The following PPP2R2B variants were observed in gnomAD, a reference collection of about 807,000 sequenced individuals.
PPP2R2B encodes the protein protein phosphatase 2 regulatory subunit Bbeta, also known as serine/threonine-protein phosphatase 2A 55 kDa regulatory subunit B beta isoform.
A neutral mutation model predicts 46.0 loss-of-function variants in PPP2R2B; 5 were observed. The ratio of observed to expected loss-of-function variants is 0.11; its 90% CI spans 0.06 to 0.23. The LOEUF is 0.23. PPP2R2B is among the 10% of genes least tolerant of loss of function. The pLI is 1.00. For synonymous variants in PPP2R2B, 215 were observed against 206.7 expected, an observed-to-expected ratio of 1.04 and a Z score of -0.34; for missense variants, 367 against 575.0, an observed-to-expected ratio of 0.64 and a Z score of 3.70.
chr5:146,878,214 G>C lies in PPP2R2B; in HGVS notation c.-124-19C>G. ...TCCGAGCCTGAGGAGGAGACGGGGA[G>C]GCGGAGAGAAAAAAAATAAAAACCC... On this transcript the variant is annotated intron_variant, in intron 1 of 9. Transcript: ENST00000394411. This position sits in a 1 kb window ranked among gnomAD's most constrained non-coding sequence, Gnocchi z 4.5. 6.5e-7 allele frequency: 1 copy of C among 1,546,512 alleles called. No homozygotes were observed. Among genetic ancestry groups the C allele is most frequent in the Non-Finnish European group, 8.7e-7 (1 of 1,146,386 alleles).
At chr5:146,696,445 T>C (rs1289355152) in intron 4 of PPP2R2B, among the ~76,000 whole-genome samples, 1 of 152,162 alleles carries the variant, frequency 6.6e-6, no homozygotes, top group African/African-American at 2.4e-5. Context: ...AGGCTAAATT[T>C]GAGAATATAA....
intron 2 of PPP2R2B, among the ~76,000 whole-genome samples, chr5:147,073,909 AC>A (rs1757679716): frequency 6.6e-6 from 1 of 151,846 alleles, no homozygotes; most frequent in South Asian, 2.1e-4. Flanking sequence ...GGTGGCAGGC[AC>A]CTGTAATCCC....
chr5:146,948,220 G>T (rs1261695094), intron 1 of PPP2R2B, among the ~76,000 whole-genome samples: 2 of 152,022 alleles, frequency 1.3e-5, no homozygotes, highest in Non-Finnish European at 2.9e-5. Context: ...ACATTGTTAC[G>T]GGCATGAGCT....
chr5:146,902,892 C>T (rs1296392251), intron 1 of PPP2R2B, among the ~76,000 whole-genome samples: 1 of 152,194 alleles, frequency 6.6e-6, no homozygotes, highest in Non-Finnish European at 1.5e-5. Context: ...GTGGTATGAG[C>T]ACCTCTAGGG....
chr5:146,822,587 T>A (rs943837476), intron 2 of PPP2R2B, among the ~76,000 whole-genome samples: 3 of 149,580 alleles, frequency 2.0e-5, no homozygotes, highest in African/African-American at 7.4e-5. Context: ...TACTTCTCCA[T>A]CTAATATATT....
intron 1 of PPP2R2B, among the ~76,000 whole-genome samples, chr5:146,968,005 C>A (rs979100748): frequency 1.3e-5 from 2 of 152,156 alleles, no homozygotes; most frequent in Non-Finnish European, 2.9e-5. Flanking sequence ...AGGAACACAA[C>A]CAAGGCCCCA....
At chr5:147,043,643 C>A (rs1023121682) in intron 1 of PPP2R2B, among the ~76,000 whole-genome samples, 1 of 152,186 alleles carries the variant, frequency 6.6e-6, no homozygotes, top group Admixed American at 6.5e-5. Context: ...CACCTATTTA[C>A]TTCCTCAGAC....
rs1770392673 is a variant in PPP2R2B at position 146,589,579 on chromosome 5, T to TTATC, written c.*364_*367dup. The TTATC allele has an allele frequency of 1.7e-5, 3 of 172,364 alleles. No individual in the cohort carries two copies. Among genetic ancestry groups the TTATC allele is most frequent in the African/African-American group, 2.4e-5 (1 of 42,122 alleles). The allele number at this position is 172,364 out of a possible 1,614,324, so 10.7% of individuals were successfully genotyped here. A position where few individuals can be genotyped will look rare whatever the true frequency, so the allele number is the denominator to read the frequency against. ...ATGGAATTGCTTAATTAAAAAAAAC[T>TTATC]TATCTCTTTTCTCCTTAAATACTAC... On this transcript the variant is annotated 3_prime_UTR_variant, in exon 10 of 10. Transcript: ENST00000394411.
At chr5:146,835,507 T>A (rs1759226148) in intron 2 of PPP2R2B, among the ~76,000 whole-genome samples, 1 of 152,094 alleles carries the variant, frequency 6.6e-6, no homozygotes, top group South Asian at 2.1e-4. Context: ...CATACTGAAC[T>A]TGGGGCGGAA....
At chr5:146,948,030 A>G (rs1031454498) in intron 1 of PPP2R2B, among the ~76,000 whole-genome samples, 11 of 151,762 alleles carry the variant, frequency 7.2e-5, no homozygotes, top group African/African-American at 2.4e-4. Context: ...CTCTTCATTC[A>G]TATTTTTCCC....
At chr5:146,719,405 G>A (rs1780665609) in intron 2 of PPP2R2B, among the ~76,000 whole-genome samples, 1 of 152,202 alleles carries the variant, frequency 6.6e-6, no homozygotes, top group African/African-American at 2.4e-5. Context: ...ATTCATCTCT[G>A]TCATTTACAA....
At chr5:146,691,358 T>A (rs1325879604) in intron 4 of PPP2R2B, 118 bp from the exon 5 acceptor site, 10 of 745,446 alleles carry the variant, frequency 1.3e-5, no homozygotes, top group Non-Finnish European at 2.0e-5. Context: ...CTACAGAAGC[T>A]GGCTCACATA....
intron 1 of PPP2R2B, among the ~76,000 whole-genome samples, chr5:146,906,902 G>T (rs1582400050): frequency 6.6e-6 from 1 of 152,154 alleles, no homozygotes; most frequent in African/African-American, 2.4e-5. Flanking sequence ...TGCACTTTAT[G>T]CAGCTGATTA....
chr5:146,978,269 A>G (rs549941135), intron 1 of PPP2R2B, among the ~76,000 whole-genome samples: 13 of 152,232 alleles, frequency 8.5e-5, no homozygotes, highest in African/African-American at 3.1e-4. Context: ...TCTGGATATT[A>G]GCTCTTTGTC....
chr5:146,700,412 A>G (rs1779460531), intron 3 of PPP2R2B, among the ~76,000 whole-genome samples: 2 of 152,210 alleles, frequency 1.3e-5, no homozygotes. Context: ...ATTCCTAGTG[A>G]AACCCATGTC....
chr5:147,047,499 C>T (rs1756598422), intron 1 of PPP2R2B, among the ~76,000 whole-genome samples: 1 of 152,034 alleles, frequency 6.6e-6, no homozygotes, highest in Non-Finnish European at 1.5e-5. Context: ...TTTCTGAGGC[C>T]TCTACTAATA....
chr5:146,837,574 C>T (rs991567268), intron 2 of PPP2R2B, among the ~76,000 whole-genome samples: 3 of 152,070 alleles, frequency 2.0e-5, no homozygotes. Flanking sequence ...TTCTAGCAGC[C>T]ACATTAAAAA....
chr5:147,008,846 C>G (rs1754575648), intron 1 of PPP2R2B, among the ~76,000 whole-genome samples: 1 of 152,138 alleles, frequency 6.6e-6, no homozygotes, highest in African/African-American at 2.4e-5. Flanking sequence ...TTAATCACAG[C>G]AAAATAACAG....
chr5:146,801,366 G>A (rs1756855284), intron 2 of PPP2R2B, among the ~76,000 whole-genome samples: 1 of 152,132 alleles, frequency 6.6e-6, no homozygotes, highest in Non-Finnish European at 1.5e-5. Flanking sequence ...ACTATGTGAG[G>A]TGATATATAT....
Sources: gnomAD v4.1 joint callset for allele counts (sites outside exome capture counted in the v4.1 genomes callset) on GRCh38, gnomAD v4.1.1 for gene constraint, Gnocchi (gnomAD v3.1) non-coding constraint, MANE v1.5 for transcripts, NCBI Gene and HGNC (gene_info 2026-07-23, HGNC 2026-07-21) for gene names.